The following LOXHD1 variants were observed in gnomAD, a reference collection of about 807,000 sequenced individuals.
LOXHD1 encodes the protein lipoxygenase homology domain-containing protein 1.
LOXHD1 carries 205 observed loss-of-function variants against 248.2 expected under a neutral mutation model. That is an observed-to-expected ratio of 0.83 (90% CI 0.74 to 0.93). The LOEUF is 0.93. Ranked by LOEUF, LOXHD1 falls within the 40% of genes least tolerant of loss-of-function variation. The pLI, the probability that LOXHD1 is intolerant of heterozygous loss-of-function variation, is 0.00. For missense variants in LOXHD1, 2,930 were observed against 2,971.6 expected, an observed-to-expected ratio of 0.99 and a Z score of 0.33; for synonymous variants, 1,113 against 1,162.8, an observed-to-expected ratio of 0.96 and a Z score of 0.87.
In LOXHD1 at chr18:46,477,971, A is replaced by G; in HGVS notation, c.6342-19T>C. The G allele has an allele frequency of 6.5e-7, 1 of 1,542,110 alleles. No homozygotes were observed. Among genetic ancestry groups the G allele is most frequent in the Non-Finnish European group, 8.8e-7 (1 of 1,140,300 alleles). Reference sequence around the variant, plus strand: ...GAAGTACCTGGCAGAGAGGTGGGAGAGTGGAGGGGTAGGGGCTAAGCAGAC... The same window carrying G: ...GAAGTACCTGGCAGAGAGGTGGGAGGGTGGAGGGGTAGGGGCTAAGCAGAC... On this transcript the variant is annotated intron_variant, in intron 40 of 40. Coordinates refer to ENST00000642948, the MANE Select transcript of LOXHD1 (RefSeq NM_001384474.1).
At chr18:46,517,194 G>T (rs563841934) in intron 34 of LOXHD1, among the ~76,000 whole-genome samples, 1 of 152,214 alleles carries the variant, frequency 6.6e-6, no homozygotes, top group African/African-American at 2.4e-5. Context: ...GATGTTTGGG[G>T]GACAGTGGCT....
In LOXHD1 at chr18:46,541,767, G is replaced by T; in HGVS notation, c.3913+9C>A. 1 of 1,551,644 alleles carries T rather than the reference G, an allele frequency of 6.4e-7. No homozygotes were observed. The highest frequency in any genetic ancestry group is 8.7e-7 in the Non-Finnish European group (1 of 1,146,948). ...GAGAAGGGCTGGCCTTGCCGTGTGT[G>T]GTTCCTACATGGTGTGTACAGCCTC... is the stretch of plus-strand genomic sequence containing the variant. On this transcript the variant is annotated intron_variant, in intron 25 of 40. Transcript: ENST00000642948.
chr18:46,652,904 C>T (rs1277692419), intron 1 of LOXHD1, among the ~76,000 whole-genome samples: 3 of 152,116 alleles, frequency 2.0e-5, no homozygotes, highest in Non-Finnish European at 1.5e-5. Context: ...AGATATAACG[C>T]TGAAAGAAAA....
chr18:46,586,745 G>A (rs751922105), intron 12 of LOXHD1, among the ~76,000 whole-genome samples: 5 of 152,180 alleles, frequency 3.3e-5, no homozygotes, highest in Non-Finnish European at 5.9e-5. Flanking sequence ...ACTGCGTCCC[G>A]CCATAGCTGT....
intron 12 of LOXHD1, among the ~76,000 whole-genome samples, chr18:46,587,210 T>C (rs2038078621): frequency 1.3e-5 from 2 of 152,218 alleles, no homozygotes. Context: ...ATAAATGAAG[T>C]TGGTTCTTTT....
intron 5 of LOXHD1, among the ~76,000 whole-genome samples, chr18:46,615,750 T>C (rs565203356): frequency 6.6e-6 from 1 of 152,342 alleles, no homozygotes; most frequent in Admixed American, 6.5e-5. Context: ...CATACTAAAT[T>C]TGTATGCATT....
rs745992985 is a variant in LOXHD1, at chr18:46,483,554, T to A, written c.6341+33A>T. 1.9e-6 allele frequency: 3 copies of A among 1,551,150 alleles called. No homozygotes were observed. In the South Asian group the frequency reaches 3.6e-5, roughly 18 times the overall value. On this transcript the variant is annotated intron_variant, in intron 40 of 40. Coordinates refer to ENST00000642948, the MANE Select transcript of LOXHD1 (RefSeq NM_001384474.1). ...CAGTCCCTGCCCCATGCTGAGGGAG[T>A]GGCACTTCCTTGGGGAGAGGCTCAG...
chr18:46,560,048 T>TGCCTCCCC, intron 19 of LOXHD1, 35 bp downstream of exon 19: 1 of 1,226,298 alleles, frequency 8.2e-7, no homozygotes, highest in Non-Finnish European at 1.1e-6. Context: ...GTCTGGCCAC[T>TGCCTCCCC]CCCTCCCCAC....
In LOXHD1 at chr18:46,601,306, T is replaced by A; in HGVS notation, c.1045A>T (p.Ile349Phe). ...FDRGRTDIFH[I>F]ELAVLLSPLS... ...GGGCTAAGGAGGACAGCCAGCTCGATGTGGAAGATGTCCGTGCGGCCTCGG... is the reference window on the plus strand; with the variant it reads ...GGGCTAAGGAGGACAGCCAGCTCGAAGTGGAAGATGTCCGTGCGGCCTCGG... The change falls in exon 8 of 41, where the codon ATC becomes TTC. Residue 349 changes from isoleucine to phenylalanine, a missense_variant. Physicochemically the swap from Ile to Phe is conservative, Grantham distance 21. Coordinates refer to ENST00000642948, the MANE Select transcript of LOXHD1 (RefSeq NM_001384474.1). 2.6e-6 allele frequency: 4 copies of A among 1,551,696 alleles called. No individual in the cohort carries two copies. Among genetic ancestry groups the A allele is most frequent in the Non-Finnish European group, 2.6e-6 (3 of 1,146,990 alleles).
intron 5 of LOXHD1, among the ~76,000 whole-genome samples, chr18:46,614,573 A>T (rs2038557671): frequency 6.6e-6 from 1 of 152,050 alleles, no homozygotes; most frequent in Non-Finnish European, 1.5e-5. Context: ...CTGTCATGGG[A>T]TGTTGGGAGT....
intron 37 of LOXHD1, among the ~76,000 whole-genome samples, chr18:46,495,204 A>G (rs1489940855): frequency 6.6e-6 from 1 of 152,178 alleles, no homozygotes; most frequent in Non-Finnish European, 1.5e-5. Flanking sequence ...CTTTCCTCAG[A>G]GCTTAACTTA....
intron 28 of LOXHD1, among the ~76,000 whole-genome samples, chr18:46,529,651 C>G (rs606079): frequency 1.3e-5 from 2 of 152,298 alleles, no homozygotes; most frequent in East Asian, 3.9e-4. Flanking sequence ...GACTCAGAAA[C>G]TACCTGAGAT....
At chr18:46,540,070 G>A (rs1173996091) in intron 25 of LOXHD1, among the ~76,000 whole-genome samples, 1 of 152,162 alleles carries the variant, frequency 6.6e-6, no homozygotes, top group African/African-American at 2.4e-5. Flanking sequence ...AGCATGCTAT[G>A]GTCCTTACCT....
In LOXHD1 at chr18:46,557,339, A is replaced by T. The variant is rs1026186126; in HGVS notation, c.3350+17T>A. 3.9e-6 allele frequency: 6 copies of T among 1,550,240 alleles called. No individual in the cohort carries two copies. Among genetic ancestry groups the T allele is most frequent in the Non-Finnish European group, 5.2e-6 (6 of 1,146,664 alleles). ...CTCAGAGCAACACCCCTCCCTGCCC[A>T]CTGCCCCCACACTCACGTGATCTCG... On this transcript the variant is annotated intron_variant, in intron 21 of 40. Transcript: ENST00000642948.
At chr18:46,574,414 CA>C (rs1284006363) in intron 14 of LOXHD1, among the ~76,000 whole-genome samples, 18 of 151,064 alleles carry the variant, frequency 1.2e-4, no homozygotes, top group Admixed American at 5.3e-4. Flanking sequence ...CACACACACA[CA>C]CACACCTGAT....
At chr18:46,616,908 C>T (rs1262224763) in intron 5 of LOXHD1, among the ~76,000 whole-genome samples, 1 of 152,194 alleles carries the variant, frequency 6.6e-6, no homozygotes, top group Non-Finnish European at 1.5e-5. Flanking sequence ...TTTAGTTTCA[C>T]CACAATGTAT....
intron 29 of LOXHD1, among the ~76,000 whole-genome samples, chr18:46,525,460 C>A (rs1303268842): frequency 2.0e-5 from 3 of 151,952 alleles, no homozygotes; most frequent in Non-Finnish European, 2.9e-5. Context: ...AGAGGTGAGG[C>A]TCTGGGGGAG....
chr18:46,647,443 A>G (rs2039046038), intron 2 of LOXHD1, among the ~76,000 whole-genome samples: 1 of 152,214 alleles, frequency 6.6e-6, no homozygotes, highest in Admixed American at 6.5e-5. Flanking sequence ...ATCAAAGGAG[A>G]AAAGGATTCA....
chr18:46,570,325 G>A (rs2037728040), intron 15 of LOXHD1, among the ~76,000 whole-genome samples: 1 of 152,260 alleles, frequency 6.6e-6, no homozygotes, highest in Non-Finnish European at 1.5e-5. Context: ...AAGACCCCAA[G>A]TCCTCCAGGC....
Sources: gnomAD v4.1 joint callset for allele counts (sites outside exome capture counted in the v4.1 genomes callset) on GRCh38, gnomAD v4.1.1 for gene constraint, MANE v1.5 for transcripts, NCBI Gene and HGNC (gene_info 2026-07-23, HGNC 2026-07-21) for gene names.